Variants in DOCK9 observed in about 807,000 individuals in gnomAD.
DOCK9 encodes dedicator of cytokinesis protein 9.
Under a neutral mutation model 263.3 loss-of-function variants are expected in DOCK9, and 89 were observed. The observed-to-expected ratio is 0.34, with a 90% CI of 0.28 to 0.40. The LOEUF (loss-of-function observed/expected upper bound fraction) is 0.40. Ranked by LOEUF, DOCK9 falls within the 10% of genes least tolerant of loss-of-function variation. DOCK9 has a pLI of 1.00. For synonymous variants in DOCK9, 976 were observed against 973.1 expected (o/e 1.00, Z -0.06); for missense variants, 2,140 against 2,603.4 (o/e 0.82, Z 3.87).
chr13:99,023,335 G>A (rs951496275), intron 1 of DOCK9, among the ~76,000 whole-genome samples: 9 of 152,220 alleles, frequency 5.9e-5, no homozygotes, highest in African/African-American at 1.9e-4. Context: ...ATGCTACAAC[G>A]TGGATGAAAT....
At chr13:98,811,004 G>C (rs978118221) in intron 45 of DOCK9, among the ~76,000 whole-genome samples, 1 of 152,220 alleles carries the variant, frequency 6.6e-6, no homozygotes, top group African/African-American at 2.4e-5. Flanking sequence ...CTACCAGACT[G>C]TAGCTTGGCT....
rs563252377 is a variant in DOCK9 at position 98,901,034 on chromosome 13, G to A, written c.1503+744C>T. On this transcript the variant is annotated intron_variant, in intron 13 of 52. Coordinates refer to ENST00000682017, the MANE Select transcript of DOCK9 (RefSeq NM_001366683.2). ...ATATGTAAAACTGGCAAGGATAATA[G>A]CACTTAACAGATTACACTAACCAGG... Among the ~76,000 whole-genome samples the A allele has an allele frequency of 3.3e-4, 50 of 152,174 alleles. 1 individual carries two copies. The highest frequency in any genetic ancestry group is 1.2e-3 in the African/African-American group (49 of 41,510).
At chr13:98,863,911 C>T (rs1435974513) in intron 30 of DOCK9, among the ~76,000 whole-genome samples, 1 of 152,102 alleles carries the variant, frequency 6.6e-6, no homozygotes, top group Non-Finnish European at 1.5e-5. Flanking sequence ...AAGTTAAAAA[C>T]GTTATTATAC....
chr13:98,989,541 G>A (rs562314255), intron 1 of DOCK9, among the ~76,000 whole-genome samples: 1 of 152,120 alleles, frequency 6.6e-6, no homozygotes, highest in South Asian at 2.1e-4. Context: ...TTAAGATACA[G>A]GAAGAACACC....
At chr13:99,015,314 C>T (rs1464424355) in intron 1 of DOCK9, 6 of 690,792 alleles carry the variant, frequency 8.7e-6, no homozygotes, top group Non-Finnish European at 1.3e-5. Context: ...AACTTAAGGC[C>T]ACTAATTACC....
intron 2 of DOCK9, among the ~76,000 whole-genome samples, chr13:98,948,695 A>G (rs182804349): frequency 9.3e-4 from 142 of 152,320 alleles, no homozygotes; most frequent in Non-Finnish European, 1.3e-3. Flanking sequence ...CCCATTGAAC[A>G]ATAACTCCCC....
At chr13:98,905,550 T>C (rs1159008343) in intron 9 of DOCK9, among the ~76,000 whole-genome samples, 1 of 151,312 alleles carries the variant, frequency 6.6e-6, no homozygotes. Flanking sequence ...ACCTGAGCAA[T>C]GACCAAGTCA....
At chr13:98,955,399 A>G in intron 2 of DOCK9, 36 bp downstream of exon 2, 1 of 1,379,560 alleles carries the variant, frequency 7.2e-7, no homozygotes, top group Non-Finnish European at 1.0e-6. Context: ...AAGATCAAAC[A>G]CGTGGTTCTA....
chr13:99,059,548 C>T lies in DOCK9; in HGVS notation c.129+26675G>A, dbSNP rs532156463. On this transcript the variant is annotated intron_variant, in intron 1 of 32. Coordinates refer to the DOCK9 transcript ENST00000427887. ...CAGTCCCTTCCAAGCCAACTCTTCA[C>T]TGCAGCCAGAATGATCTTCCCAAAA... 7.9e-5 allele frequency among the ~76,000 whole-genome samples: 12 copies of T among 152,354 alleles called. 1 individual carries two copies. In the South Asian group the frequency reaches 2.5e-3, roughly 32 times the overall value.
chr13:98,796,276 G>A (rs1469813124), intron 52 of DOCK9: 4 of 1,398,672 alleles, frequency 2.9e-6, no homozygotes, highest in Admixed American at 3.8e-5. Flanking sequence ...ACTGACGTTC[G>A]TTTCCTGCAA....
intron 1 of DOCK9, among the ~76,000 whole-genome samples, chr13:98,992,545 A>G (rs1880054704): frequency 6.6e-6 from 1 of 152,110 alleles, no homozygotes; most frequent in East Asian, 1.9e-4. Flanking sequence ...GGTGGGAAGT[A>G]AGTGAATCAT....
At chr13:98,888,051 C>T in intron 18 of DOCK9, 107 bp downstream of exon 18, 2 of 706,186 alleles carry the variant, frequency 2.8e-6, no homozygotes, top group East Asian at 2.7e-5. Context: ...TGATTTGTGT[C>T]AATTAAAATG....
In DOCK9 at chr13:98,888,204, C is replaced by G. The variant is rs375738264; in HGVS notation, c.1997G>C (p.Cys666Ser). The G allele has an allele frequency of 5.6e-6, 9 of 1,609,940 alleles. No individual in the cohort carries two copies. Among genetic ancestry groups the G allele is most frequent in the Non-Finnish European group, 7.6e-6 (9 of 1,178,124 alleles). ...CTCATCTGAATCTTTGAATTCAATG[C>G]AAATCGCAATATTTCTAGCCTGCAG... is the stretch of plus-strand genomic sequence containing the variant. ...SFAKARNIAI[C>S]IEFKDSDEED... is the part of the protein sequence containing the mutation. Residue 666 changes from cysteine (C) to serine (S), a missense_variant, in exon 18 of 53, where the codon TGC (cysteine) becomes TCC (serine). Cys to Ser is a moderately radical substitution (Grantham distance 112). This residue lies in a region of DOCK9 where 1,521 missense variants were observed against 1,741.7 expected (regional missense o/e 0.87). Coordinates refer to ENST00000682017, the MANE Select transcript of DOCK9 (RefSeq NM_001366683.2).
intron 45 of DOCK9, among the ~76,000 whole-genome samples, chr13:98,816,102 G>A (rs913555921): frequency 2.6e-5 from 4 of 152,172 alleles, no homozygotes; most frequent in Non-Finnish European, 5.9e-5. Context: ...GCAAGGCACA[G>A]CGCTTGACAC....
chr13:98,794,761 AAC>A lies in DOCK9; in HGVS notation c.6157-15_6157-14del. The A allele has an allele frequency of 6.2e-7, 1 of 1,613,732 alleles. No homozygotes were observed. The highest frequency in any genetic ancestry group is 8.5e-7 in the Non-Finnish European group (1 of 1,179,720). Reference sequence around the variant, plus strand: ...CCAGGGGGCAGATCTTGAGGACAGAAACACAACGTTACTGAGGGCAACACAAG... The same window carrying A: ...CCAGGGGGCAGATCTTGAGGACAGAAACAACGTTACTGAGGGCAACACAAG... On this transcript the variant is annotated splice_polypyrimidine_tract_variant and intron_variant, in intron 52 of 52. Transcript: ENST00000682017.
rs759985599 is a variant in DOCK9 at position 98,825,460 on chromosome 13, A to T, written c.5024-956T>A. Among the ~76,000 whole-genome samples, 2 of 152,214 alleles carry T rather than the reference A, an allele frequency of 1.3e-5. No homozygotes were observed. The highest frequency in any genetic ancestry group is 2.9e-5 in the Non-Finnish European group (2 of 68,032). Reference sequence around the variant, plus strand: ...GAAGTCAGAGATTTTTCTGCTGCACATGATCCCAGGTTTCTACACTATTCA... The same window carrying T: ...GAAGTCAGAGATTTTTCTGCTGCACTTGATCCCAGGTTTCTACACTATTCA... On this transcript the variant is annotated intron_variant, in intron 44 of 52. Coordinates refer to ENST00000682017, the MANE Select transcript of DOCK9 (RefSeq NM_001366683.2). This position sits in a 1 kb window ranked among gnomAD's most constrained non-coding sequence, Gnocchi z 4.1.
intron 36 of DOCK9, among the ~76,000 whole-genome samples, 160 bp from the exon 37 acceptor site, chr13:98,848,799 A>C (rs2093470479): frequency 6.6e-6 from 1 of 152,202 alleles, no homozygotes; most frequent in South Asian, 2.1e-4. Flanking sequence ...AGTCCTCTGG[A>C]AAGTGCCTTC....
intron 1 of DOCK9, among the ~76,000 whole-genome samples, chr13:98,998,250 A>G (rs142035192): frequency 6.6e-6 from 1 of 152,290 alleles, no homozygotes; most frequent in Non-Finnish European, 1.5e-5. Context: ...CCAGACACCC[A>G]CAGCGCACAT....
intron 1 of DOCK9, among the ~76,000 whole-genome samples, chr13:99,014,185 C>T (rs1348797740): frequency 6.6e-6 from 1 of 152,234 alleles, no homozygotes; most frequent in East Asian, 1.9e-4. Context: ...GGAGCAGAAG[C>T]TTGCCGCATG....
Sources: allele counts gnomAD v4.1 joint callset (sites outside exome capture counted in the v4.1 genomes callset), GRCh38; gene constraint gnomAD v4.1.1; regional missense constraint gnomAD v4.1.1; non-coding constraint Gnocchi (gnomAD v3.1); transcripts MANE v1.5; gene names NCBI Gene and HGNC (gene_info 2026-07-23, HGNC 2026-07-21).